Variants in RMND1 observed in about 807,000 individuals in gnomAD.
RMND1 encodes the protein required for meiotic nuclear division 1 homolog.
In RMND1, 41 loss-of-function variants were observed where a neutral mutation model predicts 54.0. The ratio of observed to expected loss-of-function variants is 0.76; its 90% CI spans 0.59 to 0.98. The LOEUF is 0.98. Ranked by LOEUF, RMND1 falls within the 50% of genes least tolerant of loss-of-function variation. The pLI, the probability that RMND1 is intolerant of heterozygous loss-of-function variation, is 0.00. For missense variants in RMND1, 457 were observed against 532.0 expected (o/e 0.86, Z 1.39); for synonymous variants, 183 against 181.7 (o/e 1.01, Z -0.06).
chr6:151,406,026 T>TA (rs1481581693), intron 10 of RMND1, among the ~76,000 whole-genome samples, 190 bp from the exon 11 acceptor site: 1 of 152,226 alleles, frequency 6.6e-6, no homozygotes, highest in Non-Finnish European at 1.5e-5. Context: ...CTGCAAGAAA[T>TA]ACTTTGCATA....
At chr6:151,409,751 G>C (rs1779749824) in intron 10 of RMND1, among the ~76,000 whole-genome samples, 1 of 152,194 alleles carries the variant, frequency 6.6e-6, no homozygotes, top group African/African-American at 2.4e-5. Flanking sequence ...GGATGAGAGA[G>C]ACATTTGAAA....
chr6:151,438,620 A>G (rs191823863), intron 2 of RMND1, among the ~76,000 whole-genome samples: 29 of 152,300 alleles, frequency 1.9e-4, no homozygotes, highest in Admixed American at 2.6e-4. Context: ...CACAAAATCC[A>G]GATTTCCATC....
At chr6:151,432,537 C>T (rs536114899) in intron 4 of RMND1, among the ~76,000 whole-genome samples, 28 of 148,190 alleles carry the variant, frequency 1.9e-4, no homozygotes, top group Non-Finnish European at 4.5e-5. Context: ...AACTCAATCC[C>T]TATGACCCTC....
At chr6:151,432,292 T>C (rs1780470808) in intron 4 of RMND1, among the ~76,000 whole-genome samples, 1 of 152,172 alleles carries the variant, frequency 6.6e-6, no homozygotes, top group Non-Finnish European at 1.5e-5. Context: ...CTCACAAATC[T>C]AAATTCCTCA....
intron 1 of RMND1, among the ~76,000 whole-genome samples, chr6:151,449,216 A>T (rs1781054208): frequency 6.6e-6 from 1 of 152,002 alleles, no homozygotes; most frequent in Non-Finnish European, 1.5e-5. Flanking sequence ...AAAATACAAA[A>T]AAATTAGCTG....
chr6:151,418,052 T>C (rs113270645), intron 9 of RMND1, among the ~76,000 whole-genome samples: 35,325 of 152,034 alleles, frequency 0.23, 6,441 homozygotes, highest in African/African-American at 0.52. Flanking sequence ...GTGATCTGCC[T>C]ACCTCAGCCT....
chr6:151,437,140 A>C (rs116678293), intron 2 of RMND1, among the ~76,000 whole-genome samples: 204 of 152,340 alleles, frequency 1.3e-3, no homozygotes, highest in African/African-American at 4.6e-3. Flanking sequence ...GAGGAAAGTC[A>C]TCTTGTGTCT....
At chr6:151,441,893 T>C (rs1780786669) in intron 2 of RMND1, among the ~76,000 whole-genome samples, 1 of 152,312 alleles carries the variant, frequency 6.6e-6, no homozygotes, top group South Asian at 2.1e-4. Flanking sequence ...GAGGGGATGG[T>C]TGTCATAGAG....
chr6:151,409,227 A>G (rs1779726153), intron 10 of RMND1, among the ~76,000 whole-genome samples: 1 of 152,218 alleles, frequency 6.6e-6, no homozygotes, highest in Non-Finnish European at 1.5e-5. Context: ...GGGGGCTTGA[A>G]GACGGGTCAG....
intron 9 of RMND1, among the ~76,000 whole-genome samples, chr6:151,419,355 G>GT (rs1054489060): frequency 6.6e-6 from 1 of 151,914 alleles, no homozygotes; most frequent in Non-Finnish European, 1.5e-5. Context: ...GTGAGCCACC[G>GT]TGCCTGGCCT....
At chr6:151,420,610 A>T (rs1780126561) in intron 9 of RMND1, 1 of 152,234 alleles carries the variant, frequency 6.6e-6, no homozygotes, top group Non-Finnish European at 1.5e-5. Flanking sequence ...TTCCCATTTT[A>T]ACATCTCGAG....
chr6:151,445,109 T>A, intron 2 of RMND1, 199 bp downstream of exon 2: 1 of 533,264 alleles, frequency 1.9e-6, no homozygotes, highest in Non-Finnish European at 3.2e-6. Flanking sequence ...CTGTATTTTG[T>A]TTTTATATGT....
At chr6:151,450,004 T>C (rs1438165549) in intron 1 of RMND1, among the ~76,000 whole-genome samples, 1 of 152,078 alleles carries the variant, frequency 6.6e-6, no homozygotes, top group Non-Finnish European at 1.5e-5. Context: ...CGCTACAACC[T>C]CCACCTCCCA....
At chr6:151,435,626 G>C (rs1780581489) in intron 3 of RMND1, among the ~76,000 whole-genome samples, 1 of 150,380 alleles carries the variant, frequency 6.6e-6, no homozygotes, top group Admixed American at 6.6e-5. Context: ...CTCTATGTTG[G>C]TCAGGTTGGT....
chr6:151,436,477 G>A lies in RMND1; in HGVS notation c.582C>T (p.His194=), dbSNP rs147935755. The A allele has an allele frequency of 6.8e-5, 110 of 1,613,962 alleles. No individual in the cohort carries two copies. In the African/African-American group the frequency reaches 9.7e-4, roughly 14 times the overall value. ...GCAAGCTTGTTACTTCAACATATCC[G>A]TGGGAGGCCAGATCTTGAGACAGAT... ...LGNLSQDLAS[H]GYVEVTSLPR... is the part of the protein sequence containing the mutation. Residue 194 remains histidine, a synonymous_variant, in exon 3 of 12, where the codon CAC becomes CAT. Coordinates refer to ENST00000444024, the MANE Select transcript of RMND1 (RefSeq NM_017909.4).
intron 2 of RMND1, among the ~76,000 whole-genome samples, chr6:151,440,184 T>A (rs1421411020): frequency 6.6e-6 from 1 of 152,076 alleles, no homozygotes; most frequent in African/African-American, 2.4e-5. Flanking sequence ...CTCAAACTCC[T>A]GACCTCTGGT....
At chr6:151,441,674 T>C (rs540339295) in intron 2 of RMND1, among the ~76,000 whole-genome samples, 1 of 152,216 alleles carries the variant, frequency 6.6e-6, no homozygotes, top group East Asian at 1.9e-4. Context: ...AACTCCTGGG[T>C]TGATCAATGC....
At chr6:151,425,447 A>AGC (rs1396529363) in intron 6 of RMND1, among the ~76,000 whole-genome samples, 3 of 151,538 alleles carry the variant, frequency 2.0e-5, no homozygotes, top group African/African-American at 7.3e-5. Flanking sequence ...TGTGTGGATA[A>AGC]GCGTACACAC....
intron 10 of RMND1, among the ~76,000 whole-genome samples, chr6:151,406,254 GA>G (rs1183792304): frequency 1.3e-5 from 2 of 152,164 alleles, no homozygotes; most frequent in African/African-American, 2.4e-5. Context: ...GCTTTCAACT[GA>G]ACTGCAACAG....
Sources: allele counts gnomAD v4.1 joint callset (sites outside exome capture counted in the v4.1 genomes callset), GRCh38; gene constraint gnomAD v4.1.1; transcripts MANE v1.5; gene names NCBI Gene and HGNC (gene_info 2026-07-23, HGNC 2026-07-21).